The following ATP10B variants were observed in gnomAD, a reference collection of about 807,000 sequenced individuals.
ATP10B encodes the protein phospholipid-transporting ATPase VB.
ATP10B carries 122 observed loss-of-function variants against 141.2 expected under a neutral mutation model. The observed-to-expected ratio is 0.86, with a 90% confidence interval of 0.75 to 1.00. ATP10B has a LOEUF of 1.00. Ranked by LOEUF, ATP10B falls within the 50% of genes least tolerant of loss-of-function variation. ATP10B has a pLI of 0.00. For missense variants in ATP10B, 1,876 were observed against 1,825.3 expected (o/e 1.03, Z -0.51); for synonymous variants, 685 against 692.0 (o/e 0.99, Z 0.16).
intron 3 of ATP10B, among the ~76,000 whole-genome samples, chr5:160,702,272 T>C (rs1246464870): frequency 2.0e-5 from 3 of 152,264 alleles, no homozygotes; most frequent in East Asian, 1.9e-4. Context: ...ATTGGGCTTG[T>C]ATTGTAATGG....
At chr5:160,767,634 A>AACCCC (rs1769556725) in intron 2 of ATP10B, among the ~76,000 whole-genome samples, 1 of 92,310 alleles carries the variant, frequency 1.1e-5, no homozygotes, top group Non-Finnish European at 2.2e-5. Flanking sequence ...ATGTGTGCAG[A>AACCCC]ACCCCCCCCC....
At chr5:160,800,072 A>G (rs1173687822) in intron 1 of ATP10B, among the ~76,000 whole-genome samples, 1 of 152,214 alleles carries the variant, frequency 6.6e-6, no homozygotes, top group African/African-American at 2.4e-5. Context: ...GTAGCCGGCC[A>G]TCACCAGAAG....
chr5:160,755,705 C>T (rs1444276274), intron 2 of ATP10B, among the ~76,000 whole-genome samples: 3 of 146,926 alleles, frequency 2.0e-5, no homozygotes, highest in Non-Finnish European at 3.0e-5. Context: ...GTCCCAGCTA[C>T]GCGGGAAGCT....
intron 2 of ATP10B, among the ~76,000 whole-genome samples, chr5:160,777,498 C>A (rs1395436721): frequency 1.3e-5 from 2 of 152,194 alleles, no homozygotes; most frequent in African/African-American, 4.8e-5. Context: ...AGCAAAGTCA[C>A]CTAATACAAG....
chr5:160,755,434 A>G (rs1436501513), intron 2 of ATP10B, among the ~76,000 whole-genome samples: 1 of 152,184 alleles, frequency 6.6e-6, no homozygotes, highest in Non-Finnish European at 1.5e-5. Flanking sequence ...ACAAATCTAG[A>G]TAGTATAGCC....
intron 3 of ATP10B, among the ~76,000 whole-genome samples, chr5:160,696,146 G>A (rs1434349203): frequency 1.3e-5 from 2 of 151,732 alleles, no homozygotes; most frequent in African/African-American, 2.4e-5. Context: ...TCACTCTGTC[G>A]CCCAGGCTGG....
intron 3 of ATP10B, among the ~76,000 whole-genome samples, chr5:160,704,666 T>C (rs919416473): frequency 1.3e-5 from 2 of 152,206 alleles, no homozygotes; most frequent in African/African-American, 4.8e-5. Flanking sequence ...CTATGAAAGT[T>C]GTAGATGGCA....
intron 23 of ATP10B, among the ~76,000 whole-genome samples, chr5:160,590,748 G>A (rs2127611921): frequency 6.6e-6 from 1 of 152,312 alleles, no homozygotes; most frequent in South Asian, 2.1e-4. Flanking sequence ...GAGTGGTAGA[G>A]ACTAAGGCAA....
intron 2 of ATP10B, among the ~76,000 whole-genome samples, chr5:160,720,694 G>A (rs1765937333): frequency 6.6e-6 from 1 of 152,176 alleles, no homozygotes; most frequent in South Asian, 2.1e-4. Context: ...TTTTCCTTGA[G>A]TTTATAGCCC....
At chr5:160,681,052 G>T (rs1386219959) in intron 6 of ATP10B, among the ~76,000 whole-genome samples, 1 of 152,166 alleles carries the variant, frequency 6.6e-6, no homozygotes, top group Non-Finnish European at 1.5e-5. Flanking sequence ...GATCTAGGAC[G>T]CTGATTGAAC....
the ATP10B span, among the ~76,000 whole-genome samples, chr5:160,887,271 A>C: frequency 6.6e-6 from 1 of 152,206 alleles, no homozygotes; most frequent in African/African-American, 2.4e-5. Context: ...CTATATAATT[A>C]AAATCATCTC....
At chr5:160,846,282 C>A (rs940170004) in intron 1 of ATP10B, among the ~76,000 whole-genome samples, 3 of 152,104 alleles carry the variant, frequency 2.0e-5, no homozygotes, top group African/African-American at 4.8e-5. Flanking sequence ...GGCTAGGTAC[C>A]AATTTGGGTA....
chr5:160,603,448 T>A (rs538260472), intron 20 of ATP10B, among the ~76,000 whole-genome samples: 2 of 152,176 alleles, frequency 1.3e-5, no homozygotes, highest in Admixed American at 1.3e-4. Flanking sequence ...TTTTTTGCAA[T>A]TTTTTTAAAG....
intron 2 of ATP10B, among the ~76,000 whole-genome samples, chr5:160,719,867 A>G (rs1323513234): frequency 6.6e-6 from 1 of 152,198 alleles, no homozygotes; most frequent in East Asian, 1.9e-4. Context: ...CTCAGATTAT[A>G]AAAGACCCAG....
chr5:160,814,137 G>A (rs34304364), intron 1 of ATP10B, among the ~76,000 whole-genome samples: 50,495 of 152,066 alleles, frequency 0.33, 9,585 homozygotes, highest in East Asian at 0.44. Context: ...GAAGGAGAAT[G>A]ACTTTGACAA....
intron 1 of ATP10B, among the ~76,000 whole-genome samples, chr5:160,797,361 C>T (rs1219659899): frequency 6.6e-6 from 1 of 152,124 alleles, no homozygotes; most frequent in Admixed American, 6.5e-5. Flanking sequence ...CAAGTTTATC[C>T]CCACCTGTGT....
chr5:160,745,124 TTGC>T (rs796163720), intron 2 of ATP10B, among the ~76,000 whole-genome samples: 25 of 152,398 alleles, frequency 1.6e-4, no homozygotes, highest in African/African-American at 5.8e-4. Context: ...AGGCAAGGAT[TTGC>T]TGCTGCTATT....
At chr5:160,635,386 A>G (rs1360200181) in intron 11 of ATP10B, among the ~76,000 whole-genome samples, 1 of 147,752 alleles carries the variant, frequency 6.8e-6, no homozygotes, top group East Asian at 2.1e-4. Flanking sequence ...GGAGGGAGTC[A>G]GGGTCCAGAT....
At position 160,632,119 on chromosome 5, in the gene ATP10B, C is replaced by A. The variant is rs781447144; in HGVS notation, c.1620+10G>T. The A allele has an allele frequency of 6.2e-7, 1 of 1,606,216 alleles. No individual in the cohort carries two copies. The highest frequency in any genetic ancestry group is 8.5e-7 in the Non-Finnish European group (1 of 1,174,548). Reference sequence around the variant, plus strand: ...ACACTTACAGTTCAAAGGCAAAAGTCAGGACTTACTATGGAGCTGCTGAAG... The same window carrying A: ...ACACTTACAGTTCAAAGGCAAAAGTAAGGACTTACTATGGAGCTGCTGAAG... On this transcript the variant is annotated intron_variant, in intron 13 of 25. Transcript: ENST00000327245.
Sources: allele counts gnomAD v4.1 joint callset (sites outside exome capture counted in the v4.1 genomes callset), GRCh38; gene constraint gnomAD v4.1.1; transcripts MANE v1.5; gene names NCBI Gene and HGNC (gene_info 2026-07-23, HGNC 2026-07-21).